The following TNIK variants were observed in gnomAD, a reference collection of about 807,000 sequenced individuals.
The protein encoded by TNIK is TRAF2 and NCK interacting kinase.
A neutral mutation model predicts 191.3 loss-of-function variants in TNIK; 49 were observed. The ratio of observed to expected loss-of-function variants is 0.26; its 90% CI spans 0.20 to 0.32. The LOEUF (loss-of-function observed/expected upper bound fraction) is 0.32. Ranked by LOEUF, TNIK falls within the 10% of genes least tolerant of loss-of-function variation. TNIK has a pLI of 1.00. For missense variants in TNIK, 1,155 were observed against 1,702.3 expected (o/e 0.68, Z 5.66); for synonymous variants, 594 against 600.9 (o/e 0.99, Z 0.17).
intron 2 of TNIK, among the ~76,000 whole-genome samples, chr3:171,288,280 G>A (rs1751258573): frequency 6.7e-6 from 1 of 148,644 alleles, no homozygotes; most frequent in Non-Finnish European, 1.5e-5. Context: ...TAACTAACCT[G>A]CACAATGTGC....
At chr3:171,403,266 T>C (rs2108580444) in intron 1 of TNIK, among the ~76,000 whole-genome samples, 1 of 152,278 alleles carries the variant, frequency 6.6e-6, no homozygotes, top group Non-Finnish European at 1.5e-5. Context: ...AGTGTAGAAC[T>C]ACACTAGTGA....
intron 1 of TNIK, among the ~76,000 whole-genome samples, chr3:171,445,766 A>T (rs1449052914): frequency 1.3e-5 from 2 of 152,170 alleles, no homozygotes; most frequent in Non-Finnish European, 2.9e-5. Flanking sequence ...TTTCTTTATG[A>T]TGTATCCTAC....
chr3:171,097,853 G>A (rs904601060), intron 22 of TNIK, among the ~76,000 whole-genome samples: 1 of 152,216 alleles, frequency 6.6e-6, no homozygotes, highest in African/African-American at 2.4e-5. Context: ...GCAAGGGGAG[G>A]TGGAGGCATG....
chr3:171,180,924 A>G (rs1213382042), intron 7 of TNIK, among the ~76,000 whole-genome samples: 1 of 152,222 alleles, frequency 6.6e-6, no homozygotes, highest in Non-Finnish European at 1.5e-5. Context: ...AGGTACTGAG[A>G]TTCAGTGAGG....
At chr3:171,388,941 C>T (rs1577733104) in intron 1 of TNIK, among the ~76,000 whole-genome samples, 1 of 152,138 alleles carries the variant, frequency 6.6e-6, no homozygotes, top group East Asian at 1.9e-4. Context: ...TCAAAACTGA[C>T]AGTAAGTTCT....
intron 1 of TNIK, among the ~76,000 whole-genome samples, chr3:171,407,199 A>G (rs1048949363): frequency 1.3e-5 from 2 of 152,134 alleles, no homozygotes; most frequent in Non-Finnish European, 2.9e-5. Context: ...AAGGAAGTAG[A>G]AGAGAACTGG....
chr3:171,099,375 A>ATTTT (rs35357404), intron 22 of TNIK, among the ~76,000 whole-genome samples: 3,010 of 145,702 alleles, frequency 0.021, 115 homozygotes, highest in African/African-American at 0.076. Flanking sequence ...TTACCTCAGG[A>ATTTT]TTTTTTTTTT....
At chr3:171,243,159 G>A (rs377244950) in intron 2 of TNIK, among the ~76,000 whole-genome samples, 7 of 152,086 alleles carry the variant, frequency 4.6e-5, no homozygotes, top group East Asian at 1.9e-4. Context: ...AGGAGTGTCC[G>A]GATAAGGTGA....
intron 2 of TNIK, among the ~76,000 whole-genome samples, chr3:171,269,059 A>G (rs1748760572): frequency 1.3e-5 from 2 of 152,226 alleles, no homozygotes; most frequent in Admixed American, 1.3e-4. Context: ...TGACATCTCA[A>G]TACAAAAATA....
chr3:171,377,934 C>T (rs1176511903), intron 1 of TNIK, among the ~76,000 whole-genome samples: 1 of 152,200 alleles, frequency 6.6e-6, no homozygotes, highest in African/African-American at 2.4e-5. Context: ...TCCATTATTA[C>T]TCATTTCTCT....
chr3:171,193,451 C>A lies in TNIK; in HGVS notation c.417+1074G>T, dbSNP rs180946547. Among the ~76,000 whole-genome samples the A allele has an allele frequency of 6.6e-5, 10 of 152,196 alleles. No individual in the cohort carries two copies. The East Asian group carries it at 1.9e-3, about 29-fold the overall frequency. On this transcript the variant is annotated intron_variant, in intron 5 of 32. Transcript: ENST00000436636. Reference sequence around the variant, plus strand: ...GGGTAATCTGTGAAATAATGTACACCTCCATTTATTAAGGTCTTCTTTAAT... The same window carrying A: ...GGGTAATCTGTGAAATAATGTACACATCCATTTATTAAGGTCTTCTTTAAT...
intron 7 of TNIK, among the ~76,000 whole-genome samples, chr3:171,185,237 A>C (rs145143689): frequency 0.011 from 1,566 of 148,020 alleles, 30 homozygotes; most frequent in African/African-American, 0.037. Context: ...GGAGGGGTGA[A>C]TAAGACTACA....
chr3:171,201,633 A>C (rs1246520316), intron 4 of TNIK, among the ~76,000 whole-genome samples: 1 of 152,212 alleles, frequency 6.6e-6, no homozygotes, highest in Non-Finnish European at 1.5e-5. Flanking sequence ...AAGGTAGGTT[A>C]AGTCTCAAAA....
chr3:171,389,635 T>C (rs377445107), intron 1 of TNIK, among the ~76,000 whole-genome samples: 1 of 152,150 alleles, frequency 6.6e-6, no homozygotes, highest in Non-Finnish European at 1.5e-5. Context: ...TAGAGTAGCC[T>C]GTTCTGTGCC....
intron 2 of TNIK, among the ~76,000 whole-genome samples, chr3:171,292,971 C>T (rs1751855465): frequency 6.6e-6 from 1 of 152,046 alleles, no homozygotes; most frequent in African/African-American, 2.4e-5. Flanking sequence ...TTCGGCTGCC[C>T]TGTGTCATTC....
At chr3:171,133,368 T>G (rs562364869) in intron 15 of TNIK, among the ~76,000 whole-genome samples, 2 of 152,238 alleles carry the variant, frequency 1.3e-5, no homozygotes, top group African/African-American at 2.4e-5. Flanking sequence ...ATTGGTCATA[T>G]GAAATCCAGA....
chr3:171,383,640 A>T (rs1718350792), intron 1 of TNIK, among the ~76,000 whole-genome samples: 1 of 152,340 alleles, frequency 6.6e-6, no homozygotes, highest in East Asian at 1.9e-4. Context: ...GCATTTTCTT[A>T]GCCAAAAAAA....
chr3:171,195,340 T>C (rs1172240667), intron 4 of TNIK, among the ~76,000 whole-genome samples: 1 of 152,214 alleles, frequency 6.6e-6, no homozygotes, highest in Non-Finnish European at 1.5e-5. Context: ...TTACATGCAT[T>C]TTCTAGGCTT....
At chr3:171,358,427 A>G (rs1489588147) in intron 2 of TNIK, among the ~76,000 whole-genome samples, 2 of 152,206 alleles carry the variant, frequency 1.3e-5, no homozygotes, top group East Asian at 1.9e-4. Context: ...TAAAACCATC[A>G]GGTCTCTTGA....
Sources: gnomAD v4.1 joint callset for allele counts (sites outside exome capture counted in the v4.1 genomes callset) on GRCh38, gnomAD v4.1.1 for gene constraint, MANE v1.5 for transcripts, NCBI Gene and HGNC (gene_info 2026-07-23, HGNC 2026-07-21) for gene names.